Variants in VIT observed in about 807,000 individuals in gnomAD.
VIT encodes the protein vitrin.
VIT carries 99 observed loss-of-function variants against 78.0 expected under a neutral mutation model. The ratio of observed to expected loss-of-function variants is 1.27; its 90% CI spans 1.08 to 1.50. The LOEUF (loss-of-function observed/expected upper bound fraction) is 1.50. Among genes scored for constraint, VIT ranks in the 40% most tolerant of loss-of-function variants. VIT has a pLI of 0.00. For synonymous variants in VIT, 374 were observed against 334.3 expected (o/e 1.12, Z -1.29); for missense variants, 1,126 against 875.3 (o/e 1.29, Z -3.61).
intron 4 of VIT, among the ~76,000 whole-genome samples, chr2:36,748,780 G>GTTGC: frequency 6.6e-6 from 1 of 152,226 alleles, no homozygotes; most frequent in Non-Finnish European, 1.5e-5. Context: ...TTCGTGCAAG[G>GTTGC]TTGCTAGCTT....
intron 1 of VIT, among the ~76,000 whole-genome samples, chr2:36,700,297 A>C (rs1186669168): frequency 6.6e-6 from 1 of 152,180 alleles, no homozygotes; most frequent in East Asian, 1.9e-4. Context: ...TCACTGTCTT[A>C]AAATGTATCT....
intron 7 of VIT, among the ~76,000 whole-genome samples, chr2:36,772,431 G>T (rs1558558941): frequency 1.3e-5 from 2 of 152,218 alleles, no homozygotes; most frequent in Admixed American, 1.3e-4. Context: ...AGCTACTCGG[G>T]AGGCTGAGGC....
At chr2:36,794,685 T>C (rs1363188914) in intron 12 of VIT, among the ~76,000 whole-genome samples, 2 of 152,222 alleles carry the variant, frequency 1.3e-5, no homozygotes, top group East Asian at 3.8e-4. Flanking sequence ...TTTAATTCCC[T>C]TGGTGGATGA....
chr2:36,800,128 C>T (rs1044440390), intron 12 of VIT, among the ~76,000 whole-genome samples: 7 of 151,720 alleles, frequency 4.6e-5, no homozygotes, highest in Non-Finnish European at 8.8e-5. Context: ...AGGTGGATCA[C>T]GAAGTCAGGA....
rs141877069 is a variant in VIT at position 36,734,105 on chromosome 2, A to G, written c.118+4614A>G. On this transcript the variant is annotated intron_variant, in intron 3 of 15. Transcript: ENST00000379242. ...ACCCAGCCCAGACATCCTGAGTCAA[A>G]AACTACAGGGGTGGGCCCAGCAATC... 4.6e-3 allele frequency among the ~76,000 whole-genome samples: 701 copies of G among 152,298 alleles called. 9 individuals carry two copies. Among genetic ancestry groups the G allele is most frequent in the African/African-American group, 0.016 (670 of 41,566 alleles).
At chr2:36,726,580 T>C (rs981460575) in intron 2 of VIT, among the ~76,000 whole-genome samples, 1 of 152,024 alleles carries the variant, frequency 6.6e-6, no homozygotes, top group Admixed American at 6.5e-5. Context: ...TGGTGGCTCA[T>C]GCCGAGGCAG....
intron 12 of VIT, among the ~76,000 whole-genome samples, chr2:36,795,379 A>ATG (rs1253023457): frequency 9.4e-5 from 7 of 74,334 alleles, no homozygotes; most frequent in Admixed American, 4.1e-4. Flanking sequence ...ATTTTATTTT[A>ATG]TTTTATATTT....
Position 36,787,258 on chromosome 2 carries a change from T to C in VIT, c.1040T>C (p.Met347Thr), listed in dbSNP as rs572237345. Reference sequence around the variant, plus strand: ...GACATTGGCCCTGCCGGTCCACTGATGGGTGTTGTCCAGTATGGGTAAGTG... The same window carrying C: ...GACATTGGCCCTGCCGGTCCACTGACGGGTGTTGTCCAGTATGGGTAAGTG... ...ALDIGPAGPL[M>T]GVVQYGDNPA... The change falls in exon 12 of 16, where the codon ATG (methionine) becomes ACG (threonine). Residue 347 changes from methionine (M) to threonine (T), a missense_variant. Met to Thr is a moderately conservative substitution (Grantham distance 81). Coordinates refer to ENST00000379242, the MANE Select transcript of VIT (RefSeq NM_053276.4). 1.2e-6 allele frequency: 2 copies of C among 1,614,196 alleles called. No homozygotes were observed. Among genetic ancestry groups the C allele is most frequent in the Non-Finnish European group, 1.7e-6 (2 of 1,180,016 alleles).
chr2:36,708,186 G>A lies in VIT; in HGVS notation c.-18-8167G>A, dbSNP rs1292509177. On this transcript the variant is annotated intron_variant, in intron 1 of 15. Coordinates refer to ENST00000379242, the MANE Select transcript of VIT (RefSeq NM_053276.4). ...CAACCCACATCCACTGACAAGCGGA[G>A]GAGGCTTTACGGTCAGGCAGAGATG... Among the ~76,000 whole-genome samples, 3 of 149,844 alleles carry A rather than the reference G, an allele frequency of 2.0e-5. No individual in the cohort carries two copies. The Admixed American group carries it at 2.0e-4, about 10-fold the overall frequency.
chr2:36,710,025 T>A (rs1424736787), intron 1 of VIT, among the ~76,000 whole-genome samples: 1 of 152,176 alleles, frequency 6.6e-6, no homozygotes, highest in Non-Finnish European at 1.5e-5. Flanking sequence ...AGGAGACTGC[T>A]GCAGCTTCCC....
intron 3 of VIT, among the ~76,000 whole-genome samples, chr2:36,740,587 G>T (rs964162642): frequency 6.6e-6 from 1 of 152,084 alleles, no homozygotes; most frequent in African/African-American, 2.4e-5. Context: ...ATGAACACAC[G>T]TGCCTGATTT....
intron 4 of VIT, among the ~76,000 whole-genome samples, chr2:36,744,291 G>A (rs1193292787): frequency 6.6e-6 from 1 of 152,084 alleles, no homozygotes; most frequent in Admixed American, 6.6e-5. Context: ...TGTCTTTTTG[G>A]TGGAAGGATT....
intron 9 of VIT, among the ~76,000 whole-genome samples, chr2:36,775,596 TTC>T (rs1421635728): frequency 2.0e-5 from 3 of 152,176 alleles, no homozygotes; most frequent in Admixed American, 6.5e-5. Context: ...AGCTCTGGGA[TTC>T]TCTGTTTCTT....
At chr2:36,746,201 G>T (rs918879918) in intron 4 of VIT, among the ~76,000 whole-genome samples, 1 of 152,064 alleles carries the variant, frequency 6.6e-6, no homozygotes, top group Admixed American at 6.6e-5. Flanking sequence ...TGCTGGATTT[G>T]GTTTGCTAGC....
At chr2:36,801,755 G>A (rs1411395891) in intron 13 of VIT, among the ~76,000 whole-genome samples, 1 of 151,104 alleles carries the variant, frequency 6.6e-6, no homozygotes, top group Non-Finnish European at 1.5e-5. Flanking sequence ...CAGCCTGGGT[G>A]GCAGAGCGAG....
In VIT at chr2:36,808,519, G is replaced by C; in HGVS notation, c.1437G>C (p.Trp479Cys). The change falls in exon 15 of 16, where the codon TGG (tryptophan) becomes TGC (cysteine). Residue 479 changes from tryptophan (W) to cysteine (C), a missense_variant. Coordinates refer to ENST00000379242, the MANE Select transcript of VIT (RefSeq NM_053276.4). ...NGFYSLHVQSWFGLHKTLQPL... is the reference protein window; with the variant it reads ...NGFYSLHVQSCFGLHKTLQPL... ...TCTACTCGCTCCACGTGCAGAGCTG[G>C]TTTGGCCTCCACAAGACCCTGCAGC... 6.2e-7 allele frequency: 1 copy of C among 1,613,750 alleles called. No individual in the cohort carries two copies. Among genetic ancestry groups the C allele is most frequent in the East Asian group, 2.2e-5 (1 of 44,856 alleles).
intron 5 of VIT, among the ~76,000 whole-genome samples, 200 bp from the exon 6 acceptor site, chr2:36,758,769 A>G (rs1292338588): frequency 6.6e-6 from 1 of 152,206 alleles, no homozygotes. Context: ...TTCCATTCTA[A>G]TAGTAATAAA....
chr2:36,699,026 G>A (rs1573091198), intron 1 of VIT, among the ~76,000 whole-genome samples: 1 of 151,546 alleles, frequency 6.6e-6, no homozygotes, highest in African/African-American at 2.4e-5. Flanking sequence ...ACTTTAGAAA[G>A]CATTTATATA....
At chr2:36,754,709 G>C (rs1668659010) in intron 4 of VIT, among the ~76,000 whole-genome samples, 1 of 152,180 alleles carries the variant, frequency 6.6e-6, no homozygotes, top group African/African-American at 2.4e-5. Context: ...CCTATAAGAA[G>C]AAAGAGAAGG....
Sources: gnomAD v4.1 joint callset for allele counts (sites outside exome capture counted in the v4.1 genomes callset) on GRCh38, gnomAD v4.1.1 for gene constraint, MANE v1.5 for transcripts, NCBI Gene and HGNC (gene_info 2026-07-23, HGNC 2026-07-21) for gene names.